Variants in GABBR2 observed in about 807,000 individuals in gnomAD.
The protein encoded by GABBR2 is G-protein coupled receptor 51.
Under a neutral mutation model 105.6 loss-of-function variants are expected in GABBR2, and 23 were observed. The ratio of observed to expected loss-of-function variants is 0.22; its 90% CI spans 0.16 to 0.31. The LOEUF is 0.31. Ranked by LOEUF, GABBR2 falls within the 10% of genes least tolerant of loss-of-function variation. The pLI is 1.00. For missense variants in GABBR2, 734 were observed against 1,245.5 expected (o/e 0.59, Z 6.18); for synonymous variants, 478 against 499.7 (o/e 0.96, Z 0.58).
chr9:98,312,782 C>A (rs1344472272), intron 13 of GABBR2, among the ~76,000 whole-genome samples: 2 of 152,100 alleles, frequency 1.3e-5, no homozygotes, highest in Non-Finnish European at 2.9e-5. Flanking sequence ...GAGATAGAGT[C>A]TCTGTCACCC....
At chr9:98,483,091 C>T (rs1016559863) in intron 4 of GABBR2, among the ~76,000 whole-genome samples, 1 of 152,108 alleles carries the variant, frequency 6.6e-6, no homozygotes, top group African/African-American at 2.4e-5. Context: ...ACCTCCAGCG[C>T]AACATGTCCC....
intron 12 of GABBR2, among the ~76,000 whole-genome samples, chr9:98,364,191 G>C (rs1285075838): frequency 1.3e-5 from 2 of 152,206 alleles, no homozygotes; most frequent in Non-Finnish European, 2.9e-5. Context: ...ATGGTGAACT[G>C]CTGGTGCTTT....
In GABBR2 at chr9:98,548,106, T is replaced by G. The variant is rs1170294571; in HGVS notation, c.460-6063A>C. 5.8e-5 allele frequency among the ~76,000 whole-genome samples: 7 copies of G among 121,242 alleles called. 1 individual carries two copies. Among genetic ancestry groups the G allele is most frequent in the African/African-American group, 1.9e-4 (7 of 37,732 alleles). 79.5% of individuals were successfully genotyped at this position (121,242 alleles called of 152,430 possible). On this transcript the variant is annotated intron_variant, in intron 2 of 18. Coordinates refer to ENST00000259455, the MANE Select transcript of GABBR2 (RefSeq NM_005458.8). Reference sequence around the variant, plus strand: ...CAGAGATGGACTCTTCCTCCACTTCTTCTGAGTACTCTGCTTTTTTTCATT... The same window carrying G: ...CAGAGATGGACTCTTCCTCCACTTCGTCTGAGTACTCTGCTTTTTTTCATT...
intron 13 of GABBR2, among the ~76,000 whole-genome samples, chr9:98,318,301 A>C (rs115728519): frequency 0.019 from 2,941 of 152,282 alleles, 94 homozygotes; most frequent in African/African-American, 0.067. Flanking sequence ...CAAGGCCTTA[A>C]AGGATTTGAA....
intron 1 of GABBR2, among the ~76,000 whole-genome samples, chr9:98,674,697 C>T (rs1588278317): frequency 6.6e-6 from 1 of 152,256 alleles, no homozygotes; most frequent in Non-Finnish European, 1.5e-5. Context: ...AAGGTGGCGG[C>T]CCAGCATGGT....
In GABBR2 at chr9:98,637,962, C is replaced by A. The variant is rs1041049311; in HGVS notation, c.322-59890G>T. On this transcript the variant is annotated intron_variant, in intron 1 of 18. Coordinates refer to ENST00000259455, the MANE Select transcript of GABBR2 (RefSeq NM_005458.8). Reference sequence around the variant, plus strand: ...TACTGGATAGTGTACATGTAGTATTCCATTTAACAAAAACTTAAGGATAGG... The same window carrying A: ...TACTGGATAGTGTACATGTAGTATTACATTTAACAAAAACTTAAGGATAGG... 1.3e-5 allele frequency among the ~76,000 whole-genome samples: 2 copies of A among 152,128 alleles called. 1 individual carries two copies. The highest frequency in any genetic ancestry group is 4.1e-4 in the South Asian group (2 of 4,820).
At position 98,595,829 on chromosome 9, in the gene GABBR2, T is replaced by G. The variant is rs1056789928; in HGVS notation, c.322-17757A>C. 5.9e-5 allele frequency among the ~76,000 whole-genome samples: 9 copies of G among 152,048 alleles called. No individual in the cohort carries two copies. The East Asian group carries it at 1.6e-3, about 26-fold the overall frequency. On this transcript the variant is annotated intron_variant, in intron 1 of 18. Transcript: ENST00000259455. ...CGTGAGAGAAGGAGGTTGCCCAGAG[T>G]ACACAGCAATGGAGATGAGCCAATC...
At chr9:98,636,882 A>G (rs1336272245) in intron 1 of GABBR2, among the ~76,000 whole-genome samples, 5 of 151,992 alleles carry the variant, frequency 3.3e-5, no homozygotes, top group Non-Finnish European at 7.4e-5. Context: ...GTCTCCAAAT[A>G]CCTCACTCCG....
At chr9:98,673,098 T>C (rs1366292035) in intron 1 of GABBR2, among the ~76,000 whole-genome samples, 2 of 152,196 alleles carry the variant, frequency 1.3e-5, no homozygotes, top group Admixed American at 6.5e-5. Context: ...TGAAACCCCA[T>C]GTACACGGAG....
At chr9:98,314,010 C>G (rs1011725726) in intron 13 of GABBR2, among the ~76,000 whole-genome samples, 1 of 152,128 alleles carries the variant, frequency 6.6e-6, no homozygotes, top group African/African-American at 2.4e-5. Flanking sequence ...GCTTGATTTG[C>G]CTTTCGCTGT....
intron 1 of GABBR2, among the ~76,000 whole-genome samples, chr9:98,605,325 G>A (rs61107375): frequency 0.012 from 1,763 of 152,310 alleles, 32 homozygotes; most frequent in African/African-American, 0.041. Flanking sequence ...TTCAGAAAGG[G>A]TGGAGCAAGG....
At chr9:98,439,220 T>G (rs1191139920) in intron 7 of GABBR2, among the ~76,000 whole-genome samples, 1 of 152,134 alleles carries the variant, frequency 6.6e-6, no homozygotes, top group East Asian at 1.9e-4. Flanking sequence ...GGATACCAGC[T>G]ACCGTGGTTC....
intron 1 of GABBR2, among the ~76,000 whole-genome samples, chr9:98,702,876 C>T (rs190843875): frequency 2.0e-5 from 3 of 152,314 alleles, no homozygotes; most frequent in Non-Finnish European, 2.9e-5. Flanking sequence ...TGATCAGACC[C>T]ACTGGCATAC....
At chr9:98,681,764 TA>T (rs34330477) in intron 1 of GABBR2, among the ~76,000 whole-genome samples, 24 of 151,332 alleles carry the variant, frequency 1.6e-4, no homozygotes, top group East Asian at 5.8e-4. Flanking sequence ...AAGAAAACAA[TA>T]AAAAAAAGAG....
intron 1 of GABBR2, among the ~76,000 whole-genome samples, chr9:98,654,074 T>C (rs1228883175): frequency 6.6e-6 from 1 of 152,226 alleles, no homozygotes; most frequent in African/African-American, 2.4e-5. Flanking sequence ...TCTTTCTGTC[T>C]TACAGCCATA....
intron 1 of GABBR2, among the ~76,000 whole-genome samples, chr9:98,586,820 T>A (rs1286549900): frequency 6.6e-6 from 1 of 152,256 alleles, no homozygotes; most frequent in African/African-American, 2.4e-5. Flanking sequence ...TGTGTGAATA[T>A]GCCACCGTTT....
intron 7 of GABBR2, among the ~76,000 whole-genome samples, chr9:98,424,099 G>A (rs1046296974): frequency 2.1e-4 from 32 of 152,160 alleles, no homozygotes; most frequent in African/African-American, 6.5e-4. Context: ...CTGGCAAACC[G>A]AATCCAGCAG....
intron 13 of GABBR2, among the ~76,000 whole-genome samples, chr9:98,358,682 G>A (rs1336711320): frequency 6.6e-6 from 1 of 152,226 alleles, no homozygotes; most frequent in Non-Finnish European, 1.5e-5. Flanking sequence ...AATCACTTTG[G>A]GGCATGAGGA....
intron 13 of GABBR2, among the ~76,000 whole-genome samples, chr9:98,361,225 C>G (rs1831577065): frequency 6.6e-6 from 1 of 152,116 alleles, no homozygotes. Flanking sequence ...TTGTCACTAA[C>G]CTGCTAGGTA....
Sources: allele counts gnomAD v4.1 joint callset (sites outside exome capture counted in the v4.1 genomes callset), GRCh38; gene constraint gnomAD v4.1.1; transcripts MANE v1.5; gene names NCBI Gene and HGNC (gene_info 2026-07-23, HGNC 2026-07-21).